Variants in CFAP46 observed in about 807,000 individuals in gnomAD.
CFAP46 encodes the protein cilia- and flagella-associated protein 46.
CFAP46 carries 245 observed loss-of-function variants against 325.7 expected under a neutral mutation model. That is an observed-to-expected ratio of 0.75 (90% CI 0.68 to 0.84). The LOEUF is 0.84. Ranked by LOEUF, CFAP46 falls within the 40% of genes least tolerant of loss-of-function variation. CFAP46 has a pLI of 0.00. For synonymous variants in CFAP46, 1,523 were observed against 1,495.9 expected, an observed-to-expected ratio of 1.02 and a Z score of -0.42; for missense variants, 3,346 against 3,543.0, an observed-to-expected ratio of 0.94 and a Z score of 1.41.
chr10:132,908,556 C>T lies in CFAP46; in HGVS notation c.2836G>A (p.Ala946Thr), dbSNP rs11146581. Residue 946 changes from alanine to threonine, a missense_variant, in exon 22 of 58, where the codon GCC becomes ACC. Ala to Thr is a moderately conservative substitution (Grantham distance 58). Coordinates refer to ENST00000368586, the MANE Select transcript of CFAP46 (RefSeq NM_001200049.3). ...LQTLTRLTHFAHAARDHETTM... is the reference protein window; with the variant it reads ...LQTLTRLTHFTHAARDHETTM... ...GTCTCATGGTCACGCGCTGCATGGGCGAAGTGGGTCAGCCGCGTCAGGGTC... is the reference window on the plus strand; with the variant it reads ...GTCTCATGGTCACGCGCTGCATGGGTGAAGTGGGTCAGCCGCGTCAGGGTC... 164 of 1,550,332 alleles carry T rather than the reference C, an allele frequency of 1.1e-4. No homozygotes were observed. Among genetic ancestry groups the T allele is most frequent in the Middle Eastern group, 1.7e-4 (1 of 6,014 alleles).
chr10:132,821,791 T>G (rs867467547), intron 50 of CFAP46, among the ~76,000 whole-genome samples: 1 of 143,630 alleles, frequency 7.0e-6, no homozygotes, highest in Non-Finnish European at 1.5e-5. Flanking sequence ...TGCTGATGTG[T>G]GCTGTGTGTT....
intron 17 of CFAP46, among the ~76,000 whole-genome samples, chr10:132,915,818 G>A (rs1009582315): frequency 2.0e-5 from 3 of 152,142 alleles, no homozygotes; most frequent in Non-Finnish European, 2.9e-5. Context: ...GAGAAACAAC[G>A]CACGTCCAGC....
chr10:132,814,918 T>C lies in CFAP46; in HGVS notation c.7118-4A>G, dbSNP rs746858761. The C allele has an allele frequency of 6.2e-7, 1 of 1,614,088 alleles. No individual in the cohort carries two copies. Among genetic ancestry groups the C allele is most frequent in the Non-Finnish European group, 8.5e-7 (1 of 1,179,964 alleles). On this transcript the variant is annotated splice_polypyrimidine_tract_variant and splice_region_variant and intron_variant, in intron 50 of 57. Transcript: ENST00000368586. ...CCCTCCTTTTTCACGCCACCTTCTG[T>C]TGAAGACAAGAAAGAGGCAGGGATG...
chr10:132,848,826 T>G (rs1021739916), intron 41 of CFAP46, among the ~76,000 whole-genome samples: 1 of 152,184 alleles, frequency 6.6e-6, no homozygotes, highest in Non-Finnish European at 1.5e-5. Context: ...CTTAATTTTC[T>G]GGGTTGTGAG....
rs1180274247 is a variant in CFAP46 at position 132,876,703 on chromosome 10, GTCC to G, written c.4362+106_4362+108del. ...CTGGGGGCTGATGGGACTCTGTCCT[GTCC>G]TCCTTTTTCTGGCTACAGTTCACAG... On this transcript the variant is annotated intron_variant, in intron 31 of 57. Coordinates refer to ENST00000368586, the MANE Select transcript of CFAP46 (RefSeq NM_001200049.3). The surrounding 1 kb of genome is among the most constrained non-coding windows in gnomAD (Gnocchi z 4.1). 1.3e-5 allele frequency: 15 copies of G among 1,196,756 alleles called. No homozygotes were observed. The highest frequency in any genetic ancestry group is 1.5e-5 in the African/African-American group (1 of 64,688). The allele number at this position is 1,196,756 out of a possible 1,614,324, so 74.1% of individuals were successfully genotyped here.
At chr10:132,855,617 A>C (rs558470531) in intron 39 of CFAP46, among the ~76,000 whole-genome samples, 1 of 152,106 alleles carries the variant, frequency 6.6e-6, no homozygotes, top group Admixed American at 6.5e-5. Context: ...TTCTGCTTTC[A>C]GGGGGACAAA....
intron 35 of CFAP46, among the ~76,000 whole-genome samples, chr10:132,862,375 C>T (rs1191445081): frequency 3.1e-5 from 4 of 127,178 alleles, no homozygotes; most frequent in East Asian, 5.5e-4. Flanking sequence ...GAGGAGGGTG[C>T]GGAGGTGGGA....
At chr10:132,881,826 C>T (rs1849047589) in intron 27 of CFAP46, among the ~76,000 whole-genome samples, 1 of 152,254 alleles carries the variant, frequency 6.6e-6, no homozygotes, top group Non-Finnish European at 1.5e-5. Context: ...TGTCAAATAT[C>T]TGTGGCTCTC....
In CFAP46 at chr10:132,913,027, C is replaced by T. The variant is rs574983330; in HGVS notation, c.2333+19G>A. ...GAAGAAGCCCCTCCCTGCGTGAACG[C>T]AGCACAGCCCACACGCACCCACTGT... On this transcript the variant is annotated intron_variant, in intron 18 of 57. Coordinates refer to ENST00000368586, the MANE Select transcript of CFAP46 (RefSeq NM_001200049.3). 4.6e-4 allele frequency: 708 copies of T among 1,547,820 alleles called. 4 individuals are homozygous for T. The highest frequency in any genetic ancestry group is 2.7e-3 in the South Asian group (227 of 83,942).
chr10:132,913,552 A>G (rs913208965), intron 17 of CFAP46, among the ~76,000 whole-genome samples: 1 of 152,024 alleles, frequency 6.6e-6, no homozygotes, highest in Non-Finnish European at 1.5e-5. Context: ...AGAATTGAAC[A>G]CCTGATGATC....
chr10:132,832,458 C>T lies in CFAP46; in HGVS notation c.7117+900G>A, dbSNP rs891953351. On this transcript the variant is annotated intron_variant, in intron 50 of 57. Coordinates refer to ENST00000368586, the MANE Select transcript of CFAP46 (RefSeq NM_001200049.3). This position sits in a 1 kb window ranked among gnomAD's most constrained non-coding sequence, Gnocchi z 4.1. ...AGACCTGGGTGGGCCATGGCGCTCG[C>T]CAGCCAAACCCCCTTCGAGGCCCCC... is the stretch of plus-strand genomic sequence containing the variant. Among the ~76,000 whole-genome samples the T allele has an allele frequency of 3.4e-5, 5 of 148,486 alleles. No homozygotes were observed. Among genetic ancestry groups the T allele is most frequent in the Admixed American group, 1.3e-4 (2 of 14,950 alleles).
rs533940632 is a variant in CFAP46 at position 132,906,889 on chromosome 10, C to T, written c.2924+1579G>A. ...GAGAAGAGTGAATGGGGTCCTGGCG[C>T]GTGATGCCCCGTGCTGGGCACTGAG... On this transcript the variant is annotated intron_variant, in intron 22 of 57. Coordinates refer to ENST00000368586, the MANE Select transcript of CFAP46 (RefSeq NM_001200049.3). 1.8e-4 allele frequency among the ~76,000 whole-genome samples: 28 copies of T among 151,710 alleles called. 3 individuals carry two copies. The highest frequency in any genetic ancestry group is 5.9e-4 in the African/African-American group (24 of 41,024).
intron 44 of CFAP46, among the ~76,000 whole-genome samples, chr10:132,840,343 C>A (rs949101987): frequency 2.6e-5 from 4 of 152,148 alleles, no homozygotes; most frequent in African/African-American, 7.2e-5. Flanking sequence ...TGCCTTTTCC[C>A]TTTCTTTCTT....
chr10:132,912,154 CCTCT>C (rs1287062208), intron 19 of CFAP46, among the ~76,000 whole-genome samples: 7 of 134,624 alleles, frequency 5.2e-5, no homozygotes, highest in Middle Eastern at 4.0e-3. Flanking sequence ...CTCTCTCTCT[CCTCT>C]CTCTCTTCTC....
chr10:132,941,694 C>T lies in CFAP46; in HGVS notation c.203G>A (p.Cys68Tyr). 1 of 1,614,066 alleles carries T rather than the reference C, an allele frequency of 6.2e-7. No homozygotes were observed. The highest frequency in any genetic ancestry group is 1.1e-5 in the South Asian group (1 of 91,088). ...CTTCACCTTGAAGTACATTTGGATG[C>T]AGTCCTCGCTCACCTCTGGCTGCCT... The part of the protein sequence containing the change: ...KMRQPEVSED[C>Y]IQMYFKVKAP... The change falls in exon 3 of 58, where the codon TGC (cysteine) becomes TAC (tyrosine). Residue 68 changes from cysteine to tyrosine, a missense_variant. By Grantham distance (194) the Cys-to-Tyr change is radical. Transcript: ENST00000368586.
Position 132,920,129 on chromosome 10 carries a change from G to A in CFAP46, c.1660C>T (p.His554Tyr). Residue 554 changes from histidine (H) to tyrosine (Y), a missense_variant, in exon 14 of 58, where the codon CAC becomes TAC. His to Tyr is a moderately conservative substitution (Grantham distance 83, BLOSUM62 2). Coordinates refer to ENST00000368586, the MANE Select transcript of CFAP46 (RefSeq NM_001200049.3). ...RFTYLCAKAW[H>Y]HTVSVDKAAG... is the part of the protein sequence containing the mutation. ...GCTTTGTCCACGCTGACGGTGTGGT[G>A]CCACGCCTTCGCACAGAGGTAGGTG... 1 of 1,549,230 alleles carries A rather than the reference G, an allele frequency of 6.5e-7. No individual in the cohort carries two copies. Among genetic ancestry groups the A allele is most frequent in the Non-Finnish European group, 8.7e-7 (1 of 1,146,520 alleles).
intron 28 of CFAP46, among the ~76,000 whole-genome samples, chr10:132,880,292 C>A (rs1054552971): frequency 1.3e-5 from 2 of 152,204 alleles, no homozygotes; most frequent in African/African-American, 2.4e-5. Flanking sequence ...GTGTTTAAGC[C>A]CTGGATGATG....
Position 132,899,078 on chromosome 10 carries a change from CGGCCA to C in CFAP46, c.3095_3099del (p.Leu1032ArgfsTer71). On this transcript the variant is annotated frameshift_variant, in exon 24 of 58. Transcript: ENST00000368586. LOFTEE classifies it high-confidence loss of function. ...AGCCAGGCGTTCCAGTAATGCCGCG[CGGCCA>C]GCATCACCAGGGCGCTGCTGCCCGC... 6.5e-7 allele frequency: 1 copy of C among 1,546,576 alleles called. No individual in the cohort carries two copies. Among genetic ancestry groups the C allele is most frequent in the Non-Finnish European group, 8.7e-7 (1 of 1,144,632 alleles).
intron 39 of CFAP46, among the ~76,000 whole-genome samples, chr10:132,856,650 T>C (rs1461861422): frequency 1.3e-5 from 2 of 152,222 alleles, no homozygotes; most frequent in Non-Finnish European, 2.9e-5. Flanking sequence ...AAAGTTTGGG[T>C]TTTCTTCCTT....
Sources: gnomAD v4.1 joint callset for allele counts (sites outside exome capture counted in the v4.1 genomes callset) on GRCh38, gnomAD v4.1.1 for gene constraint, Gnocchi (gnomAD v3.1) non-coding constraint, MANE v1.5 for transcripts, NCBI Gene and HGNC (gene_info 2026-07-23, HGNC 2026-07-21) for gene names.